The following SYTL3 variants were observed in gnomAD, a reference collection of about 807,000 sequenced individuals.
The protein encoded by SYTL3 is synaptotagmin-like protein 3.
In SYTL3, 88 loss-of-function variants were observed where a neutral mutation model predicts 82.1. The observed-to-expected ratio is 1.07, with a 90% CI of 0.90 to 1.28. The LOEUF (loss-of-function observed/expected upper bound fraction) is 1.28. Ranked by LOEUF, SYTL3 falls within the 50% of genes most tolerant of loss-of-function variation. The pLI, the probability that SYTL3 is intolerant of heterozygous loss-of-function variation, is 0.00. For synonymous variants in SYTL3, 311 were observed against 289.4 expected (o/e 1.07, Z -0.76); for missense variants, 831 against 757.6 (o/e 1.10, Z -1.14).
chr6:158,677,705 CAAAAAAAA>C (rs56865775), intron 5 of SYTL3, among the ~76,000 whole-genome samples: 149 of 68,118 alleles, frequency 2.2e-3, no homozygotes, highest in African/African-American at 5.4e-3. Flanking sequence ...AACTCTGTCT[CAAAAAAAA>C]AAAAAAAAAA....
intron 8 of SYTL3, among the ~76,000 whole-genome samples, chr6:158,708,872 A>G (rs928380888): frequency 6.6e-6 from 1 of 152,170 alleles, no homozygotes. Flanking sequence ...GAGAGGTGGA[A>G]ATAATTATAC....
In SYTL3 at chr6:158,662,821, C is replaced by G. The variant is rs1402244293; in HGVS notation, c.-448C>G. 6.5e-6 allele frequency: 1 copy of G among 153,308 alleles called. No individual in the cohort carries two copies. The highest frequency in any genetic ancestry group is 1.5e-5 in the Non-Finnish European group (1 of 68,812). 9.5% of individuals were successfully genotyped at this position (153,308 alleles called of 1,614,324 possible). The stretch of plus-strand genomic sequence containing the variant: ...AACATCTTAAATGGAAGGTTAGCTT[C>G]TATGAGTCACTGATACTCTTTTTAT... On this transcript the variant is annotated 5_prime_UTR_variant, in exon 4 of 18. Transcript: ENST00000611299.
At chr6:158,701,794 C>T (rs141084532) in intron 6 of SYTL3, among the ~76,000 whole-genome samples, 4 of 152,010 alleles carry the variant, frequency 2.6e-5, no homozygotes, top group African/African-American at 9.7e-5. Flanking sequence ...GGCTGGTAGG[C>T]CGAAATTGAG....
intron 5 of SYTL3, among the ~76,000 whole-genome samples, chr6:158,668,060 T>C (rs565130703): frequency 2.8e-4 from 42 of 152,320 alleles, no homozygotes; most frequent in African/African-American, 9.9e-4. Context: ...ATCCTCATTT[T>C]ACAGTTGAGA....
chr6:158,691,652 CTT>C (rs146225570), intron 6 of SYTL3, among the ~76,000 whole-genome samples: 1 of 149,758 alleles, frequency 6.7e-6, no homozygotes, highest in African/African-American at 2.4e-5. Context: ...TAATATTAAA[CTT>C]TTTTTTTTCT....
intron 11 of SYTL3, among the ~76,000 whole-genome samples, chr6:158,727,157 C>A (rs1562430782): frequency 6.6e-6 from 1 of 151,388 alleles, no homozygotes; most frequent in African/African-American, 2.4e-5. Flanking sequence ...GCTGAACTTT[C>A]TTTATTTTAA....
intron 11 of SYTL3, among the ~76,000 whole-genome samples, chr6:158,744,280 C>T (rs116782288): frequency 1.5e-5 from 2 of 137,138 alleles, no homozygotes; most frequent in Admixed American, 7.4e-5. Context: ...TGCCCCCAGG[C>T]TTGTTTTTTT....
At chr6:158,688,425 A>G (rs1779515877) in intron 6 of SYTL3, among the ~76,000 whole-genome samples, 1 of 152,152 alleles carries the variant, frequency 6.6e-6, no homozygotes, top group African/African-American at 2.4e-5. Flanking sequence ...TCTGGCCCCC[A>G]TTACATTCTG....
intron 5 of SYTL3, among the ~76,000 whole-genome samples, chr6:158,676,847 C>T (rs1778092756): frequency 6.6e-6 from 1 of 152,046 alleles, no homozygotes; most frequent in Admixed American, 6.5e-5. Context: ...AAATCAAAAC[C>T]ACAATGAGAT....
chr6:158,693,585 A>T (rs545204192), intron 6 of SYTL3, among the ~76,000 whole-genome samples: 3 of 152,158 alleles, frequency 2.0e-5, no homozygotes, highest in Non-Finnish European at 4.4e-5. Context: ...GGGTTTCACC[A>T]TGTTGGCCAA....
At chr6:158,760,126 G>A (rs932987195) in intron 14 of SYTL3, among the ~76,000 whole-genome samples, 1 of 152,094 alleles carries the variant, frequency 6.6e-6, no homozygotes, top group African/African-American at 2.4e-5. Flanking sequence ...TGACAGAAGT[G>A]CCTCGGTGGG....
At chr6:158,724,027 T>C (rs568186387) in intron 10 of SYTL3, among the ~76,000 whole-genome samples, 4 of 152,292 alleles carry the variant, frequency 2.6e-5, no homozygotes, top group African/African-American at 9.6e-5. Flanking sequence ...CAGCATCCTC[T>C]CGGGTGATTG....
rs1009971828 is a variant in SYTL3, at chr6:158,696,290, C to T, written c.395-10940C>T. On this transcript the variant is annotated intron_variant, in intron 6 of 17. Transcript: ENST00000611299. ...TCTCGGCTGACTGCAATTTCTGCCT[C>T]CAGGGTTCAAGCGATTCCCGTGTCT... Among the ~76,000 whole-genome samples, 13 of 151,942 alleles carry T rather than the reference C, an allele frequency of 8.6e-5. No individual in the cohort carries two copies. In the East Asian group the frequency reaches 1.3e-3, roughly 16 times the overall value.
chr6:158,698,679 G>A (rs1780826391), intron 6 of SYTL3, among the ~76,000 whole-genome samples: 1 of 152,210 alleles, frequency 6.6e-6, no homozygotes, highest in South Asian at 2.1e-4. Context: ...CACTGCACAA[G>A]GGAGCCACTT....
intron 6 of SYTL3, among the ~76,000 whole-genome samples, chr6:158,691,970 T>C (rs1227995361): frequency 1.4e-5 from 2 of 145,060 alleles, no homozygotes; most frequent in East Asian, 4.1e-4. Flanking sequence ...CTTTCTTAAG[T>C]TAAGAAATAG....
intron 6 of SYTL3, among the ~76,000 whole-genome samples, chr6:158,693,847 T>TTTC (rs1780232944): frequency 1.2e-5 from 1 of 82,514 alleles, no homozygotes; most frequent in Non-Finnish European, 2.3e-5. Context: ...AGCCTTTCTT[T>TTTC]TTCTTTTCTT....
At chr6:158,668,188 C>G (rs1164643448) in intron 5 of SYTL3, among the ~76,000 whole-genome samples, 1 of 151,950 alleles carries the variant, frequency 6.6e-6, no homozygotes, top group Non-Finnish European at 1.5e-5. Context: ...CCAGTCCTCT[C>G]CCGCCTGCTA....
intron 13 of SYTL3, among the ~76,000 whole-genome samples, chr6:158,756,606 G>C (rs1338135712): frequency 2.0e-5 from 3 of 151,608 alleles, no homozygotes; most frequent in African/African-American, 7.3e-5. Context: ...CAGCTACTCA[G>C]GAGGCTAAGG....
Position 158,713,821 on chromosome 6 carries a change from A to G in SYTL3, c.538A>G (p.Arg180Gly). 1 of 1,550,040 alleles carries G rather than the reference A, an allele frequency of 6.5e-7. No homozygotes were observed. The highest frequency in any genetic ancestry group is 8.7e-7 in the Non-Finnish European group (1 of 1,146,012). Residue 180 changes from arginine to glycine, a missense_variant, in exon 9 of 18, where the codon AGA (arginine) becomes GGA (glycine). By Grantham distance (125) the Arg-to-Gly change is moderately radical. Coordinates refer to ENST00000611299, the MANE Select transcript of SYTL3 (RefSeq NM_001242394.2). ...PGRLQEFGQF[R>G]GFNKSVENLF... Reference sequence around the variant, plus strand: ...TTAGTTACAGGAATTTGGTCAGTTTAGAGGATTTAATAAGTCCGTGGAAAA... The same window carrying G: ...TTAGTTACAGGAATTTGGTCAGTTTGGAGGATTTAATAAGTCCGTGGAAAA...
Sources: allele counts gnomAD v4.1 joint callset (sites outside exome capture counted in the v4.1 genomes callset), GRCh38; gene constraint gnomAD v4.1.1; transcripts MANE v1.5; gene names NCBI Gene and HGNC (gene_info 2026-07-23, HGNC 2026-07-21).